CSTPP1: variants seen among roughly 807,000 people sequenced by gnomAD.
CSTPP1 encodes the protein UPF0705 protein C11orf49.
chr11:46,945,674 C>G, the CSTPP1 span, among the ~76,000 whole-genome samples: 1 of 152,056 alleles, frequency 6.6e-6, no homozygotes, highest in Non-Finnish European at 1.5e-5. Flanking sequence ...TCACCTCTTT[C>G]TTTCCTTTTC....
the CSTPP1 span, chr11:47,155,152 T>G: frequency 1.3e-6 from 2 of 1,575,636 alleles, no homozygotes; most frequent in Non-Finnish European, 1.7e-6. Flanking sequence ...ATTCTCTCTC[T>G]CAGATTCTCT....
chr11:47,031,379 CTTAATATA>C, the CSTPP1 span, among the ~76,000 whole-genome samples: 1 of 152,066 alleles, frequency 6.6e-6, no homozygotes, highest in Non-Finnish European at 1.5e-5. Context: ...GCTGTGTTTT[CTTAATATA>C]TTACTGGAGA....
chr11:47,142,596 C>T, the CSTPP1 span, among the ~76,000 whole-genome samples: 1 of 152,114 alleles, frequency 6.6e-6, no homozygotes, highest in Non-Finnish European at 1.5e-5. Context: ...TTTGATCAAT[C>T]ACTCCAGAAT....
chr11:46,952,059 A>C, the CSTPP1 span, among the ~76,000 whole-genome samples: 1 of 152,152 alleles, frequency 6.6e-6, no homozygotes, highest in African/African-American at 2.4e-5. Flanking sequence ...TTATAAAAAC[A>C]AAACAAAACA....
At chr11:47,085,065 G>A in the CSTPP1 span, among the ~76,000 whole-genome samples, 31 of 152,108 alleles carry the variant, frequency 2.0e-4, no homozygotes, top group African/African-American at 3.4e-4. Flanking sequence ...TTAGCTGGGC[G>A]TGGTGGTGGA....
the CSTPP1 span, among the ~76,000 whole-genome samples, chr11:46,949,775 A>G: frequency 6.6e-6 from 1 of 151,350 alleles, no homozygotes; most frequent in African/African-American, 2.4e-5. Context: ...TCATGCAATC[A>G]ATTCTCATGC....
At chr11:46,967,031 T>C in the CSTPP1 span, among the ~76,000 whole-genome samples, 2 of 152,130 alleles carry the variant, frequency 1.3e-5, no homozygotes, top group East Asian at 3.9e-4. Flanking sequence ...TATGGTGTCT[T>C]TTGAAGAGCA....
chr11:47,026,749 A>T, the CSTPP1 span, among the ~76,000 whole-genome samples: 1 of 152,130 alleles, frequency 6.6e-6, no homozygotes, highest in Non-Finnish European at 1.5e-5. Flanking sequence ...ATAGTAGCAT[A>T]TGCCTGTAGT....
the CSTPP1 span, among the ~76,000 whole-genome samples, chr11:47,073,518 A>G: frequency 6.6e-6 from 1 of 152,108 alleles, no homozygotes; most frequent in Non-Finnish European, 1.5e-5. Context: ...ACATAGTGAG[A>G]CCCTGTATTT....
At chr11:47,139,289 CCA>C in the CSTPP1 span, among the ~76,000 whole-genome samples, 12 of 152,072 alleles carry the variant, frequency 7.9e-5, no homozygotes, top group Non-Finnish European at 1.8e-4. Flanking sequence ...ACCCACACTC[CCA>C]CACACACCCC....
chr11:47,159,130 G>C, the CSTPP1 span, among the ~76,000 whole-genome samples: 1 of 152,240 alleles, frequency 6.6e-6, no homozygotes, highest in Non-Finnish European at 1.5e-5. Flanking sequence ...GTTATTCTGA[G>C]TCAGTGCTTG....
At chr11:47,159,476 C>T in the CSTPP1 span, among the ~76,000 whole-genome samples, 1 of 151,156 alleles carries the variant, frequency 6.6e-6, no homozygotes, top group Admixed American at 6.6e-5. Flanking sequence ...CGCCATTGCA[C>T]GCCAGCCTGT....
the CSTPP1 span, among the ~76,000 whole-genome samples, chr11:46,977,677 T>A: frequency 6.6e-6 from 1 of 152,234 alleles, no homozygotes; most frequent in Admixed American, 6.5e-5. Flanking sequence ...TGCTTCCATT[T>A]TGTCTAAAAA....
At chr11:47,004,948 C>T in the CSTPP1 span, among the ~76,000 whole-genome samples, 1 of 152,216 alleles carries the variant, frequency 6.6e-6, no homozygotes, top group Non-Finnish European at 1.5e-5. Context: ...GAGAACATTA[C>T]ACAGGCAGTT....
At chr11:47,016,397 C>CAA in the CSTPP1 span, among the ~76,000 whole-genome samples, 1 of 74,710 alleles carries the variant, frequency 1.3e-5, no homozygotes, top group African/African-American at 6.1e-5. Flanking sequence ...CTACAAAAAA[C>CAA]AAAAAACAAA....
At chr11:46,964,071 A>G in the CSTPP1 span, among the ~76,000 whole-genome samples, 3 of 151,912 alleles carry the variant, frequency 2.0e-5, no homozygotes, top group Non-Finnish European at 4.4e-5. Context: ...GTTACCTTCA[A>G]TTCTTTCTCT....
At chr11:47,157,132 C>G in the CSTPP1 span, 3 of 1,613,900 alleles carry the variant, frequency 1.9e-6, no homozygotes, top group Non-Finnish European at 2.5e-6. Flanking sequence ...AACGACCTGC[C>G]TTGGGCGGGG....
At chr11:46,984,980 G>GTAT in the CSTPP1 span, among the ~76,000 whole-genome samples, 1 of 151,562 alleles carries the variant, frequency 6.6e-6, no homozygotes, top group African/African-American at 2.4e-5. Context: ...AAATTGGCAG[G>GTAT]TATTATCTCA....
At chr11:47,002,802 AT>A in the CSTPP1 span, among the ~76,000 whole-genome samples, 1 of 152,268 alleles carries the variant, frequency 6.6e-6, no homozygotes, top group East Asian at 1.9e-4. Context: ...TTTAGGTCTG[AT>A]TTTTTACATT....
Sources: gnomAD v4.1 joint callset for allele counts (sites outside exome capture counted in the v4.1 genomes callset) on GRCh38, gnomAD v4.1.1 for gene constraint, MANE v1.5 for transcripts, NCBI Gene and HGNC (gene_info 2026-07-23, HGNC 2026-07-21) for gene names.